Variants in LPCAT2 observed in about 807,000 individuals in gnomAD.
LPCAT2 encodes the protein 1-AGP acyltransferase 11.
LPCAT2 carries 58 observed loss-of-function variants against 64.7 expected under a neutral mutation model. The ratio of observed to expected loss-of-function variants is 0.90; its 90% CI spans 0.73 to 1.12. The LOEUF (loss-of-function observed/expected upper bound fraction) is 1.12. LPCAT2 is among the 50% of genes most tolerant of loss of function. The pLI is 0.00. For missense variants in LPCAT2, 579 were observed against 669.8 expected, an observed-to-expected ratio of 0.86 and a Z score of 1.50; for synonymous variants, 252 against 245.3, an observed-to-expected ratio of 1.03 and a Z score of -0.26.
intron 11 of LPCAT2, among the ~76,000 whole-genome samples, chr16:55,564,914 A>C (rs1445477879): frequency 2.0e-5 from 3 of 152,034 alleles, no homozygotes; most frequent in Non-Finnish European, 2.9e-5. Context: ...AACCTACAGA[A>C]TGAAAGAAAA....
chr16:55,577,434 A>G (rs1326889611), intron 12 of LPCAT2, among the ~76,000 whole-genome samples: 1 of 152,106 alleles, frequency 6.6e-6, no homozygotes, highest in African/African-American at 2.4e-5. Flanking sequence ...TGCCCCCTGT[A>G]CTACTTGCAA....
intron 5 of LPCAT2, 59 bp from the exon 6 acceptor site, chr16:55,532,765 T>C (rs1427352149): frequency 1.7e-6 from 2 of 1,148,234 alleles, no homozygotes; most frequent in Admixed American, 3.5e-5. Context: ...TAATTTTCTC[T>C]TTATCATAAA....
At chr16:55,511,602 G>C (rs1014723095) in intron 1 of LPCAT2, among the ~76,000 whole-genome samples, 7 of 152,284 alleles carry the variant, frequency 4.6e-5, no homozygotes, top group African/African-American at 1.7e-4. Flanking sequence ...ATAACACTGA[G>C]AGAAGGCCAC....
chr16:55,541,016 G>T (rs776907444), intron 8 of LPCAT2: 3 of 152,100 alleles, frequency 2.0e-5, no homozygotes, highest in Non-Finnish European at 4.4e-5. Context: ...AAAGAATAGA[G>T]AAGGATAGCA....
Position 55,583,247 on chromosome 16 carries a change from T to C in LPCAT2, c.*149T>C, listed in dbSNP as rs1963907606. Reference sequence around the variant, plus strand: ...GATAGATTTTCTTACTAAAAATGTTTTTATTAACCTTGCTTTTATTGGAAA... The same window carrying C: ...GATAGATTTTCTTACTAAAAATGTTCTTATTAACCTTGCTTTTATTGGAAA... On this transcript the variant is annotated 3_prime_UTR_variant, in exon 14 of 14. Coordinates refer to ENST00000262134, the MANE Select transcript of LPCAT2 (RefSeq NM_017839.5). 1.1e-5 allele frequency: 7 copies of C among 653,674 alleles called. No individual in the cohort carries two copies. The highest frequency in any genetic ancestry group is 3.8e-4 in the Middle Eastern group (1 of 2,640). 40.5% of individuals were successfully genotyped at this position (653,674 alleles called of 1,614,324 possible).
At chr16:55,534,560 A>G in intron 7 of LPCAT2, 83 bp downstream of exon 7, 3 of 665,868 alleles carry the variant, frequency 4.5e-6, no homozygotes, top group Non-Finnish European at 7.5e-6. Flanking sequence ...ATTCTTTAAA[A>G]AAGTATTATT....
rs749260862 is a variant in LPCAT2 at position 55,567,042 on chromosome 16, G to T, written c.1216-7589G>T. The T allele has an allele frequency of 8.1e-6, 13 of 1,613,786 alleles. 1 individual carries two copies. Among genetic ancestry groups the T allele is most frequent in the East Asian group, 6.7e-5 (3 of 44,864 alleles). ...GCTGGCTGGACCAGACATGGAGGTG[G>T]GTGCCACTGATCTGATGAATATTCT... On this transcript the variant is annotated intron_variant, in intron 11 of 13. Transcript: ENST00000262134.
chr16:55,567,136 TTG>T, intron 11 of LPCAT2: 1 of 1,613,888 alleles, frequency 6.2e-7, no homozygotes, highest in South Asian at 1.1e-5. Context: ...TGCCGGAGCA[TTG>T]TGTCTGTCAT....
intron 11 of LPCAT2, among the ~76,000 whole-genome samples, chr16:55,560,153 GTCAGACCAATTTAAATTCCC>G (rs1200821934): frequency 6.6e-6 from 1 of 152,120 alleles, no homozygotes; most frequent in East Asian, 1.9e-4. Flanking sequence ...AGAAAATTGT[GTCAGACCAATTTAAATTCCC>G]TCTATGACAG....
intron 1 of LPCAT2, among the ~76,000 whole-genome samples, chr16:55,513,454 C>T (rs1962962520): frequency 6.6e-6 from 1 of 151,458 alleles, no homozygotes; most frequent in African/African-American, 2.4e-5. Flanking sequence ...TGAGATGAGA[C>T]ATCAGCAAAA....
intron 11 of LPCAT2, among the ~76,000 whole-genome samples, chr16:55,552,055 G>GA (rs1963523742): frequency 6.6e-6 from 1 of 152,092 alleles, no homozygotes; most frequent in African/African-American, 2.4e-5. Context: ...CACAACAGTT[G>GA]AAAAAATATA....
intron 13 of LPCAT2, among the ~76,000 whole-genome samples, chr16:55,581,812 A>C (rs564553785): frequency 6.6e-6 from 1 of 152,338 alleles, no homozygotes; most frequent in African/African-American, 2.4e-5. Context: ...AATATTTCAG[A>C]AACTCCAGGT....
intron 2 of LPCAT2, among the ~76,000 whole-genome samples, chr16:55,526,433 T>C (rs1963171153): frequency 6.6e-6 from 1 of 152,192 alleles, no homozygotes; most frequent in Non-Finnish European, 1.5e-5. Context: ...GCCAAATTTT[T>C]ATATATAAGG....
rs143328606 is a variant in LPCAT2, at chr16:55,545,798, G to A, written c.916G>A (p.Val306Ile). ...KNDPVLFANK[V>I]RNLMAEALGI... ...TGATCCTGTCCTTTTTGCCAATAAA[G>A]TCCGGAATTTAATGGCAGAGTAAGT... Residue 306 changes from valine (V) to isoleucine (I), a missense_variant, in exon 9 of 14, where the codon GTC (valine) becomes ATC (isoleucine). Val to Ile is a conservative substitution (Grantham distance 29). Coordinates refer to ENST00000262134, the MANE Select transcript of LPCAT2 (RefSeq NM_017839.5). 1,221 of 1,611,216 alleles carry A rather than the reference G, an allele frequency of 7.6e-4. 13 individuals are homozygous for A. The African/African-American group carries it at 0.014, about 19-fold the overall frequency.
intron 11 of LPCAT2, among the ~76,000 whole-genome samples, chr16:55,551,831 C>T (rs1963521532): frequency 6.6e-6 from 1 of 152,150 alleles, no homozygotes; most frequent in Non-Finnish European, 1.5e-5. Context: ...CACCTGTAAT[C>T]CCAGCTACTC....
chr16:55,513,540 C>G (rs1962964628), intron 1 of LPCAT2, among the ~76,000 whole-genome samples: 1 of 151,932 alleles, frequency 6.6e-6, no homozygotes, highest in Non-Finnish European at 1.5e-5. Flanking sequence ...TCAGAATCAA[C>G]TTTGTCTTAG....
intron 11 of LPCAT2, among the ~76,000 whole-genome samples, chr16:55,568,961 T>G (rs1963738471): frequency 6.6e-6 from 1 of 152,328 alleles, no homozygotes; most frequent in South Asian, 2.1e-4. Flanking sequence ...TTCCTCTGTC[T>G]GCTATTTAAT....
intron 7 of LPCAT2, among the ~76,000 whole-genome samples, chr16:55,534,910 G>A (rs1963305249): frequency 6.6e-6 from 1 of 152,234 alleles, no homozygotes; most frequent in Middle Eastern, 3.4e-3. Context: ...TGTCTGATAT[G>A]AGTTGAAAAA....
chr16:55,564,510 G>A (rs1963669916), intron 11 of LPCAT2, among the ~76,000 whole-genome samples: 1 of 151,946 alleles, frequency 6.6e-6, no homozygotes, highest in African/African-American at 2.4e-5. Flanking sequence ...ATAAGCCAAT[G>A]GAATAGAATA....
Sources: gnomAD v4.1 joint callset for allele counts (sites outside exome capture counted in the v4.1 genomes callset) on GRCh38, gnomAD v4.1.1 for gene constraint, MANE v1.5 for transcripts, NCBI Gene and HGNC (gene_info 2026-07-23, HGNC 2026-07-21) for gene names.